Variants in SDF4 observed in about 807,000 individuals in gnomAD.
The protein encoded by SDF4 is stromal cell derived factor 4.
A neutral mutation model predicts 34.2 loss-of-function variants in SDF4; 22 were observed. The ratio of observed to expected loss-of-function variants is 0.64; its 90% CI spans 0.46 to 0.92. The LOEUF (loss-of-function observed/expected upper bound fraction) is 0.92. Ranked by LOEUF, SDF4 falls within the 40% of genes least tolerant of loss-of-function variation. The probability of loss-of-function intolerance (pLI) is 0.00; values close to 1 mark genes in which losing one functional copy is unlikely to be tolerated. For missense variants in SDF4, 447 were observed against 499.9 expected (o/e 0.89, Z 1.01); for synonymous variants, 236 against 203.1 (o/e 1.16, Z -1.38).
At chr1:1,229,523 G>A (rs1014291091) in intron 1 of SDF4, among the ~76,000 whole-genome samples, 1 of 152,064 alleles carries the variant, frequency 6.6e-6, no homozygotes, top group Admixed American at 6.5e-5. Flanking sequence ...TTTTTTTACA[G>A]ACACTGAGTT....
At position 1,224,183 on chromosome 1, in the gene SDF4, C is replaced by T. The variant is rs866438148; in HGVS notation, c.306-215G>A. Among the ~76,000 whole-genome samples the T allele has an allele frequency of 1.8e-4, 28 of 152,330 alleles. 1 individual carries two copies. In the Middle Eastern group the frequency reaches 0.017, roughly 93 times the overall value. On this transcript the variant is annotated intron_variant, in intron 2 of 6. Coordinates refer to ENST00000360001, the MANE Select transcript of SDF4 (RefSeq NM_016176.6). ...CTGGGGAAGGTGGATGCCACGGTCC[C>T]CTCCCCGGGGAAACACATGGACCCT...
chr1:1,224,603 G>A (rs1358147335), intron 2 of SDF4, among the ~76,000 whole-genome samples: 1 of 152,082 alleles, frequency 6.6e-6, no homozygotes, highest in Non-Finnish European at 1.5e-5. Context: ...GATGCTTCAG[G>A]TATGGCTACA....
rs1448886275 is a variant in SDF4 at position 1,228,672 on chromosome 1, T to C, written c.101A>G (p.His34Arg). 1.9e-6 allele frequency: 3 copies of C among 1,612,784 alleles called. No individual in the cohort carries two copies. Among genetic ancestry groups the C allele is most frequent in the Non-Finnish European group, 1.7e-6 (2 of 1,179,944 alleles). The change falls in exon 2 of 7, where the codon CAC (histidine) becomes CGC (arginine). Residue 34 changes from histidine to arginine, a missense_variant. Transcript: ENST00000360001. The part of the protein sequence containing the change: ...LMDASARPAN[H>R]SSTRERVANR... Reference sequence around the variant, plus strand: ...GGCTACTCTCTCTCGAGTGGACGAGTGGTTGGCAGGCCGTGCAGACGCGTC... The same window carrying C: ...GGCTACTCTCTCTCGAGTGGACGAGCGGTTGGCAGGCCGTGCAGACGCGTC...
Position 1,223,352 on chromosome 1 carries a change from C to T in SDF4, c.448G>A (p.Val150Met). The T allele has an allele frequency of 1.9e-6, 3 of 1,608,294 alleles. No individual in the cohort carries two copies. The highest frequency in any genetic ancestry group is 1.3e-5 in the African/African-American group (1 of 74,972). Residue 150 changes from valine to methionine, a missense_variant, in exon 4 of 7, where the codon GTG (valine) becomes ATG (methionine). Physicochemically the swap from Val to Met is conservative, Grantham distance 21. Transcript: ENST00000360001. Reference protein sequence around the residue: ...RAVDPDGDGHVSWDEYKVKFL... With the variant: ...RAVDPDGDGHMSWDEYKVKFL... ...TTCACCTTATACTCGTCCCAAGACACGTGACCTGGAAGAGCAGATCACACC... is the reference window on the plus strand; with the variant it reads ...TTCACCTTATACTCGTCCCAAGACATGTGACCTGGAAGAGCAGATCACACC...
At chr1:1,221,395 C>T (rs1649948905) in intron 4 of SDF4, 1 of 152,926 alleles carries the variant, frequency 6.5e-6, no homozygotes, top group Non-Finnish European at 1.5e-5. Context: ...CTTGTGTCTA[C>T]AAAATATATG....
In SDF4 at chr1:1,218,423, G is replaced by A. The variant is rs759644326; in HGVS notation, c.891+35C>T. On this transcript the variant is annotated intron_variant, in intron 6 of 6. Coordinates refer to ENST00000360001, the MANE Select transcript of SDF4 (RefSeq NM_016176.6). This position sits in a 1 kb window ranked among gnomAD's most constrained non-coding sequence, Gnocchi z 7.9. ...CCCCTCCCGCCACAGCACCTCGCAGGGCCGGCTCCGGGACACGGCTGCGCC... is the reference window on the plus strand; with the variant it reads ...CCCCTCCCGCCACAGCACCTCGCAGAGCCGGCTCCGGGACACGGCTGCGCC... 76 of 1,596,894 alleles carry A rather than the reference G, an allele frequency of 4.8e-5. No individual in the cohort carries two copies. In the South Asian group the frequency reaches 8.3e-4, roughly 18 times the overall value.
At chr1:1,219,726 A>T (rs1649802400) in intron 4 of SDF4, 1 of 985,982 alleles carries the variant, frequency 1.0e-6, no homozygotes, top group Non-Finnish European at 1.2e-6. Flanking sequence ...GGTCTCCAGG[A>T]CAGAAACACC....
chr1:1,222,682 G>A (rs762480399), intron 4 of SDF4, among the ~76,000 whole-genome samples: 1 of 152,288 alleles, frequency 6.6e-6, no homozygotes, highest in Admixed American at 6.5e-5. Context: ...ACCTAACTGA[G>A]TAACGGCCGT....
At chr1:1,223,126 C>A (rs762384568) in intron 4 of SDF4, 118 bp downstream of exon 4, 170 of 739,302 alleles carry the variant, frequency 2.3e-4, no homozygotes, top group Non-Finnish European at 3.4e-4. Context: ...CACGTACTCA[C>A]GAGCACACGC....
In SDF4 at chr1:1,217,544, C is replaced by G. The variant is rs757068796; in HGVS notation, c.1036G>C (p.Asp346His). The G allele has an allele frequency of 6.2e-7, 1 of 1,612,620 alleles. No individual in the cohort carries two copies. Among genetic ancestry groups the G allele is most frequent in the South Asian group, 1.1e-5 (1 of 91,054 alleles). Residue 346 changes from aspartate to histidine, a missense_variant, in exon 7 of 7, where the codon GAC (aspartate) becomes CAC (histidine). Physicochemically the swap from Asp to His is moderately conservative, Grantham distance 81 (BLOSUM62 -1). Transcript: ENST00000360001. This position sits in a 1 kb window ranked among gnomAD's most constrained non-coding sequence, Gnocchi z 8.5. ...TCCTCGTGCACGCTGCGCGCGTAGTCCACCAGCTTGCTGCCCGTGAAGAAC... is the reference window on the plus strand; with the variant it reads ...TCCTCGTGCACGCTGCGCGCGTAGTGCACCAGCTTGCTGCCCGTGAAGAAC... ...SEFFTGSKLV[D>H]YARSVHEEF
At position 1,222,654 on chromosome 1, in the gene SDF4, C is replaced by A. The variant is rs1355373167; in HGVS notation, c.556+590G>T. 5.9e-5 allele frequency among the ~76,000 whole-genome samples: 9 copies of A among 152,396 alleles called. No individual in the cohort carries two copies. The East Asian group carries it at 1.7e-3, about 29-fold the overall frequency. ...GGCAGGCCCCAACCCAGACTCACAGCCTCAGATTCTCTGCAGGACCTAACT... is the reference window on the plus strand; with the variant it reads ...GGCAGGCCCCAACCCAGACTCACAGACTCAGATTCTCTGCAGGACCTAACT... On this transcript the variant is annotated intron_variant, in intron 4 of 6. Transcript: ENST00000360001.
At chr1:1,223,383 G>T in intron 3 of SDF4, 26 bp from the exon 4 acceptor site, 2 of 1,499,194 alleles carry the variant, frequency 1.3e-6, no homozygotes, top group Non-Finnish European at 1.8e-6. Flanking sequence ...ACACCTGTCA[G>T]GGCCTCTGAT....
chr1:1,220,409 C>T, intron 4 of SDF4: 1 of 1,171,858 alleles, frequency 8.5e-7, no homozygotes, highest in Non-Finnish European at 1.1e-6. Context: ...CACGCGGTGA[C>T]CCTCGCAGGA....
At chr1:1,219,186 T>C (rs1649742627) in intron 4 of SDF4, 56 of 1,282,600 alleles carry the variant, frequency 4.4e-5, no homozygotes, top group African/African-American at 9.2e-5. Context: ...CAGCCCGGAC[T>C]CCCCAAGACA....
chr1:1,223,857 G>T lies in SDF4; in HGVS notation c.417C>A (p.Phe139Leu). The T allele has an allele frequency of 2.5e-6, 4 of 1,600,120 alleles. No individual in the cohort carries two copies. The highest frequency in any genetic ancestry group is 3.4e-6 in the Non-Finnish European group (4 of 1,176,400). Reference sequence around the variant, plus strand: ...CGTCCCCGTCAGGGTCCACGGCGCGGAAGTGTGTCTTGCTCTCCTCCATGG... The same window carrying T: ...CGTCCCCGTCAGGGTCCACGGCGCGTAAGTGTGTCTTGCTCTCCTCCATGG... ...QEAMEESKTH[F>L]RAVDPDGDGH... Residue 139 changes from phenylalanine (F) to leucine (L), a missense_variant, in exon 3 of 7, where the codon TTC becomes TTA. Transcript: ENST00000360001.
Position 1,217,626 on chromosome 1 carries a change from G to A in SDF4, c.954C>T (p.Val318=), listed in dbSNP as rs747936231. The A allele has an allele frequency of 1.2e-5, 20 of 1,613,690 alleles. No homozygotes were observed. The East Asian group carries it at 2.9e-4, about 23-fold the overall frequency. ...ALNEAKQMIA[V]ADENQNHHLE... is the part of the protein sequence containing the mutation. Reference sequence around the variant, plus strand: ...GGTGGTGGTTCTGGTTCTCGTCGGCGACGGCGATCATCTGCTTGGCCTCGT... The same window carrying A: ...GGTGGTGGTTCTGGTTCTCGTCGGCAACGGCGATCATCTGCTTGGCCTCGT... Residue 318 remains valine, a synonymous_variant, in exon 7 of 7, where the codon GTC becomes GTT. Transcript: ENST00000360001. The surrounding 1 kb of genome is among the most constrained non-coding windows in gnomAD (Gnocchi z 8.5).
intron 1 of SDF4, among the ~76,000 whole-genome samples, chr1:1,230,003 C>T (rs184611191): frequency 3.1e-4 from 47 of 152,370 alleles, no homozygotes; most frequent in Admixed American, 6.5e-4. Context: ...GTCTGTCCTG[C>T]CGTCCGAGGC....
Position 1,223,342 on chromosome 1 carries a change from T to C in SDF4, c.458A>G (p.Asp153Gly). 6.2e-7 allele frequency: 1 copy of C among 1,611,934 alleles called. No homozygotes were observed. The highest frequency in any genetic ancestry group is 1.1e-5 in the South Asian group (1 of 90,820). The change falls in exon 4 of 7, where the codon GAC becomes GGC. Residue 153 changes from aspartate to glycine, a missense_variant. By Grantham distance (94) the Asp-to-Gly change is moderately conservative. Transcript: ENST00000360001. ...DPDGDGHVSW[D>G]EYKVKFLASK... ...CGCCAAAAACTTCACCTTATACTCG[T>C]CCCAAGACACGTGACCTGGAAGAGC...
Position 1,218,435 on chromosome 1 carries a change from G to C in SDF4, c.891+23C>G, listed in dbSNP as rs767354671. ...CAGCACCTCGCAGGGCCGGCTCCGG[G>C]ACACGGCTGCGCCAGGGCTCACCTC... On this transcript the variant is annotated intron_variant, in intron 6 of 6. Coordinates refer to ENST00000360001, the MANE Select transcript of SDF4 (RefSeq NM_016176.6). This position sits in a 1 kb window ranked among gnomAD's most constrained non-coding sequence, Gnocchi z 7.9. 1.2e-6 allele frequency: 2 copies of C among 1,604,436 alleles called. No homozygotes were observed. The highest frequency in any genetic ancestry group is 1.7e-6 in the Non-Finnish European group (2 of 1,178,384).
Sources: allele counts gnomAD v4.1 joint callset (sites outside exome capture counted in the v4.1 genomes callset), GRCh38; gene constraint gnomAD v4.1.1; non-coding constraint Gnocchi (gnomAD v3.1); transcripts MANE v1.5; gene names NCBI Gene and HGNC (gene_info 2026-07-23, HGNC 2026-07-21).